Variants in SEMA3E observed in about 807,000 individuals in gnomAD.
The protein encoded by SEMA3E is semaphorin 3E.
In SEMA3E, 49 loss-of-function variants were observed where a neutral mutation model predicts 93.6. The ratio of observed to expected loss-of-function variants is 0.52; its 90% CI spans 0.42 to 0.66. The LOEUF (loss-of-function observed/expected upper bound fraction) is 0.66, where lower values mean the gene tolerates loss of function less well. Among genes scored for constraint, SEMA3E ranks in the 30% least tolerant of loss-of-function variants. The pLI is 0.00. For synonymous variants in SEMA3E, 363 were observed against 330.7 expected (o/e 1.10, Z -1.06); for missense variants, 906 against 964.8 (o/e 0.94, Z 0.81).
At position 83,641,629 on chromosome 7, in the gene SEMA3E, CA is replaced by C. The variant is rs543643590; in HGVS notation, c.115+6798del. 1.2e-4 allele frequency among the ~76,000 whole-genome samples: 18 copies of C among 152,242 alleles called. No individual in the cohort carries two copies. In the East Asian group the frequency reaches 3.5e-3, roughly 29 times the overall value. On this transcript the variant is annotated intron_variant, in intron 1 of 16. Coordinates refer to ENST00000643230, the MANE Select transcript of SEMA3E (RefSeq NM_012431.3). Reference sequence around the variant, plus strand: ...TACAATAACTTACAAACATGAGAGACATCAATATTCTTTGCTCCTTCTAGTT... The same window carrying C: ...TACAATAACTTACAAACATGAGAGACTCAATATTCTTTGCTCCTTCTAGTT...
chr7:83,644,220 A>G lies in SEMA3E; in HGVS notation c.115+4208T>C, dbSNP rs962072397. On this transcript the variant is annotated intron_variant, in intron 1 of 16. Coordinates refer to ENST00000643230, the MANE Select transcript of SEMA3E (RefSeq NM_012431.3). ...AGCAAAAAAAAAAAATATATAGGCCATGAATCTTGGAAAATTCACATACAA... is the reference window on the plus strand; with the variant it reads ...AGCAAAAAAAAAAAATATATAGGCCGTGAATCTTGGAAAATTCACATACAA... Among the ~76,000 whole-genome samples the G allele has an allele frequency of 1.1e-4, 16 of 151,944 alleles. No homozygotes were observed. The East Asian group carries it at 3.1e-3, about 29-fold the overall frequency.
At chr7:83,531,362 TC>T (rs1554335584) in intron 1 of SEMA3E, among the ~76,000 whole-genome samples, 8 of 136,338 alleles carry the variant, frequency 5.9e-5, no homozygotes, top group Non-Finnish European at 1.1e-4. Flanking sequence ...TTTTTTTTTT[TC>T]CGAGATGGAG....
chr7:83,405,628 T>C, intron 8 of SEMA3E, 109 bp from the exon 9 acceptor site: 1 of 893,602 alleles, frequency 1.1e-6, no homozygotes, highest in East Asian at 2.5e-5. Context: ...TTTTGAGATG[T>C]GTATTTTCAT....
intron 1 of SEMA3E, among the ~76,000 whole-genome samples, chr7:83,576,877 C>T (rs927237869): frequency 6.6e-6 from 1 of 152,124 alleles, no homozygotes; most frequent in Non-Finnish European, 1.5e-5. Flanking sequence ...TTGCCTTGGC[C>T]TCCCAAAGTG....
chr7:83,435,501 C>A (rs920128386), intron 4 of SEMA3E, among the ~76,000 whole-genome samples: 1 of 151,932 alleles, frequency 6.6e-6, no homozygotes, highest in Non-Finnish European at 1.5e-5. Flanking sequence ...GAGGCCGAGG[C>A]AGGAGAATTG....
intron 1 of SEMA3E, among the ~76,000 whole-genome samples, chr7:83,573,492 C>T (rs966472847): frequency 2.2e-4 from 34 of 151,934 alleles, no homozygotes; most frequent in African/African-American, 8.0e-4. Context: ...TTTGCAATTC[C>T]GGAAATGGAG....
In SEMA3E at chr7:83,380,537, TCTA is replaced by T. The variant is rs1395317978; in HGVS notation, c.1875+4754_1875+4756del. Among the ~76,000 whole-genome samples the T allele has an allele frequency of 2.6e-5, 4 of 151,928 alleles. No homozygotes were observed. The Admixed American group carries it at 2.6e-4, about 10-fold the overall frequency. On this transcript the variant is annotated intron_variant, in intron 16 of 16. Coordinates refer to ENST00000643230, the MANE Select transcript of SEMA3E (RefSeq NM_012431.3). Reference sequence around the variant, plus strand: ...TGTAACATAAGCTAACATTATTCTCTCTACTAATTACCCTCTACTCATCCTTTA... The same window carrying T: ...TGTAACATAAGCTAACATTATTCTCTCTAATTACCCTCTACTCATCCTTTA...
chr7:83,618,335 C>CT (rs1793471108), intron 1 of SEMA3E, among the ~76,000 whole-genome samples: 1 of 152,044 alleles, frequency 6.6e-6, no homozygotes, highest in Non-Finnish European at 1.5e-5. Flanking sequence ...ACCGTGGAAT[C>CT]TTTATCTTCT....
chr7:83,480,377 G>A (rs548880241), intron 2 of SEMA3E, among the ~76,000 whole-genome samples: 8 of 152,234 alleles, frequency 5.3e-5, no homozygotes, highest in African/African-American at 1.9e-4. Flanking sequence ...GCAGTGAGCC[G>A]AGTTCGTGCC....
intron 1 of SEMA3E, among the ~76,000 whole-genome samples, chr7:83,574,041 T>G (rs1792348255): frequency 6.6e-6 from 1 of 152,126 alleles, no homozygotes; most frequent in Non-Finnish European, 1.5e-5. Context: ...CTTAATTTTT[T>G]ATATGCAAAT....
chr7:83,442,056 A>ATG (rs1789125607), intron 4 of SEMA3E, among the ~76,000 whole-genome samples: 1 of 152,194 alleles, frequency 6.6e-6, no homozygotes, highest in Non-Finnish European at 1.5e-5. Context: ...TGGAGAAAAA[A>ATG]TGTAGAATGT....
intron 1 of SEMA3E, among the ~76,000 whole-genome samples, chr7:83,532,334 CA>C (rs1383525953): frequency 6.6e-6 from 1 of 152,084 alleles, no homozygotes; most frequent in Admixed American, 6.6e-5. Flanking sequence ...TGAATATTCT[CA>C]AAGTGATTTA....
At chr7:83,444,434 G>A (rs1488008866) in intron 4 of SEMA3E, among the ~76,000 whole-genome samples, 1 of 152,058 alleles carries the variant, frequency 6.6e-6, no homozygotes, top group Non-Finnish European at 1.5e-5. Context: ...ATCTTACATT[G>A]TCTCTAGGGA....
At position 83,510,520 on chromosome 7, in the gene SEMA3E, C is replaced by T. The variant is rs182682635; in HGVS notation, c.116-20246G>A. Among the ~76,000 whole-genome samples the T allele has an allele frequency of 8.5e-5, 13 of 152,222 alleles. No homozygotes were observed. The East Asian group carries it at 2.3e-3, about 27-fold the overall frequency. ...TATACTAATATAGTGTACTTGCGTG[C>T]TTCCAAACTTTTTCCTTCAAACATT... On this transcript the variant is annotated intron_variant, in intron 1 of 16. Transcript: ENST00000643230.
intron 4 of SEMA3E, 83 bp from the exon 5 acceptor site, chr7:83,418,566 C>A (rs547836069): frequency 2.1e-6 from 2 of 936,548 alleles, no homozygotes; most frequent in Non-Finnish European, 3.4e-6. Context: ...TATGAAACTT[C>A]GATTATTTAT....
At chr7:83,406,736 T>C (rs1788337570) in intron 7 of SEMA3E, among the ~76,000 whole-genome samples, 2 of 151,980 alleles carry the variant, frequency 1.3e-5, no homozygotes, top group Admixed American at 6.6e-5. Context: ...ACCAACCGAA[T>C]TGTTCAAACA....
At chr7:83,416,984 TAC>T (rs71522659) in intron 5 of SEMA3E, among the ~76,000 whole-genome samples, 10,748 of 113,706 alleles carry the variant, frequency 0.095, 1,267 homozygotes, top group African/African-American at 0.27. Flanking sequence ...ACTCTGTTTA[TAC>T]ACACACACAC....
At chr7:83,368,496 T>A (rs1161625329) in intron 16 of SEMA3E, among the ~76,000 whole-genome samples, 5 of 152,318 alleles carry the variant, frequency 3.3e-5, no homozygotes. Context: ...CAGATGGTAG[T>A]GACCAATGTT....
intron 4 of SEMA3E, among the ~76,000 whole-genome samples, chr7:83,456,494 T>A (rs544851915): frequency 1.0e-3 from 156 of 152,202 alleles, no homozygotes; most frequent in Non-Finnish European, 1.9e-3. Context: ...TAGCAAAAAA[T>A]AAATAATTTA....
Sources: allele counts gnomAD v4.1 joint callset (sites outside exome capture counted in the v4.1 genomes callset), GRCh38; gene constraint gnomAD v4.1.1; transcripts MANE v1.5; gene names NCBI Gene and HGNC (gene_info 2026-07-23, HGNC 2026-07-21).